Variants in HYDIN observed in about 807,000 individuals in gnomAD.
The protein encoded by HYDIN is axonemal central pair apparatus protein HYDIN.
HYDIN carries 132 observed loss-of-function variants against 403.9 expected under a neutral mutation model. The observed-to-expected ratio is 0.33, with a 90% confidence interval of 0.28 to 0.38. HYDIN has a LOEUF of 0.38. Among genes scored for constraint, HYDIN ranks in the 10% least tolerant of loss-of-function variants. The pLI, the probability that HYDIN is intolerant of heterozygous loss-of-function variation, is 1.00. For synonymous variants in HYDIN, 1,202 were observed against 1,891.7 expected, an observed-to-expected ratio of 0.64 and a Z score of 9.46; for missense variants, 2,827 against 5,009.5, an observed-to-expected ratio of 0.56 and a Z score of 13.15.
At chr16:71,036,998 G>A (rs7195602) in intron 18 of HYDIN, among the ~76,000 whole-genome samples, 55,830 of 134,940 alleles carry the variant, frequency 0.41, 11,489 homozygotes, top group Non-Finnish European at 0.47. Flanking sequence ...ACAATAGGGC[G>A]AAATAGCAGC....
At chr16:71,229,574 G>C (rs141583831) in intron 1 of HYDIN, among the ~76,000 whole-genome samples, 137 of 152,224 alleles carry the variant, frequency 9.0e-4, no homozygotes, top group Admixed American at 1.5e-3. Context: ...GAAAAGAAAT[G>C]AGCTACTGTT....
intron 1 of HYDIN, among the ~76,000 whole-genome samples, chr16:71,201,016 A>C (rs958980309): frequency 6.6e-6 from 1 of 152,164 alleles, no homozygotes; most frequent in East Asian, 1.9e-4. Context: ...TCCCTTGTCC[A>C]TGCTTAGACT....
intron 53 of HYDIN, among the ~76,000 whole-genome samples, chr16:70,899,862 G>T (rs1293277518): frequency 6.6e-6 from 1 of 151,948 alleles, no homozygotes; most frequent in Non-Finnish European, 1.5e-5. Flanking sequence ...GTTGCAACAA[G>T]GTCAGTGGCT....
intron 2 of HYDIN, among the ~76,000 whole-genome samples, chr16:71,186,088 T>C (rs2087133406): frequency 6.6e-6 from 1 of 151,494 alleles, no homozygotes; most frequent in Non-Finnish European, 1.5e-5. Context: ...AGGAGTTTCT[T>C]TAAATATGTA....
chr16:70,890,216 T>C (rs113678110), intron 57 of HYDIN, among the ~76,000 whole-genome samples: 5 of 152,348 alleles, frequency 3.3e-5, no homozygotes, highest in African/African-American at 1.2e-4. Context: ...TAGAGACCAG[T>C]TCACCTAAAA....
chr16:70,995,404 GC>G (rs2079498116), intron 23 of HYDIN, among the ~76,000 whole-genome samples: 1 of 152,146 alleles, frequency 6.6e-6, no homozygotes, highest in Non-Finnish European at 1.5e-5. Flanking sequence ...GTTCCCTGTA[GC>G]TGCCAGAGAA....
At chr16:70,817,288 C>T (rs891311395) in intron 84 of HYDIN, 79 of 151,732 alleles carry the variant, frequency 5.2e-4, no homozygotes, top group African/African-American at 1.8e-3. Context: ...AAAGTGAAAG[C>T]TATGCACACT....
Position 70,826,731 on chromosome 16 carries a change from CT to C in HYDIN, c.14427+529del, listed in dbSNP as rs1275596393. Among the ~76,000 whole-genome samples the C allele has an allele frequency of 8.3e-5, 12 of 144,614 alleles. 2 individuals are homozygous for C. The highest frequency in any genetic ancestry group is 3.5e-4 in the African/African-American group (12 of 34,732). The allele number at this position is 144,614 out of a possible 152,430, so 94.9% of individuals were successfully genotyped here. On this transcript the variant is annotated intron_variant, in intron 83 of 85. Transcript: ENST00000393567. ...TCTCTCTCTCTCTCTCTCTCTCTCTCTCTCTCTCTCTCTCTGTGTGTGTGTT... is the reference window on the plus strand; with the variant it reads ...TCTCTCTCTCTCTCTCTCTCTCTCTCCTCTCTCTCTCTCTGTGTGTGTGTT...
intron 77 of HYDIN, among the ~76,000 whole-genome samples, chr16:70,836,124 G>C (rs1054462166): frequency 2.0e-5 from 3 of 152,156 alleles, no homozygotes; most frequent in African/African-American, 7.2e-5. Context: ...GGGGCTCAGG[G>C]GGCCTTTCCG....
At chr16:71,115,028 G>T (rs561502874) in intron 10 of HYDIN, among the ~76,000 whole-genome samples, 9 of 149,954 alleles carry the variant, frequency 6.0e-5, no homozygotes, top group African/African-American at 2.2e-4. Context: ...GAGATTGTGG[G>T]AATTGGTCAT....
At chr16:71,037,781 C>T (rs1003504156) in intron 18 of HYDIN, among the ~76,000 whole-genome samples, 7 of 152,196 alleles carry the variant, frequency 4.6e-5, no homozygotes, top group Non-Finnish European at 8.8e-5. Flanking sequence ...GTGGATCTTT[C>T]CCTCACCAAG....
At position 70,955,374 on chromosome 16, in the gene HYDIN, C is replaced by T. The variant is rs1383764011; in HGVS notation, c.6316+1G>A. ...AAAAACCCAAGAGAATGGGCTCTTA[C>T]CAGCCTCCTCTCCTTCCTTCACGGA... On this transcript the variant is annotated splice_donor_variant, in intron 40 of 85. Coordinates refer to ENST00000393567, the MANE Select transcript of HYDIN (RefSeq NM_001270974.2). LOFTEE classifies it high-confidence loss of function. 1 of 1,585,968 alleles carries T rather than the reference C, an allele frequency of 6.3e-7. No homozygotes were observed.
intron 23 of HYDIN, among the ~76,000 whole-genome samples, chr16:71,017,748 T>C (rs964958849): frequency 6.6e-6 from 1 of 151,262 alleles, no homozygotes; most frequent in East Asian, 1.9e-4. Context: ...TACTGTATTG[T>C]ACACTTAAAA....
chr16:70,982,508 A>G (rs8063456), intron 28 of HYDIN, among the ~76,000 whole-genome samples: 5,463 of 138,290 alleles, frequency 0.04, 375 homozygotes, highest in African/African-American at 0.16. Flanking sequence ...AAATTTATGA[A>G]CCAACGATCA....
intron 9 of HYDIN, among the ~76,000 whole-genome samples, chr16:71,118,512 A>G (rs1431204621): frequency 6.6e-6 from 1 of 152,076 alleles, no homozygotes; most frequent in East Asian, 1.9e-4. Flanking sequence ...TCAGTAGCAG[A>G]CACCTATTCA....
intron 10 of HYDIN, among the ~76,000 whole-genome samples, chr16:71,106,164 C>T (rs1568161564): frequency 2.2e-5 from 3 of 138,388 alleles, no homozygotes; most frequent in South Asian, 4.4e-4. Flanking sequence ...TCCTTCCCTC[C>T]CTCCCTCTCT....
At chr16:71,094,707 G>A (rs2083223383) in intron 10 of HYDIN, among the ~76,000 whole-genome samples, 1 of 152,408 alleles carries the variant, frequency 6.6e-6, no homozygotes, top group South Asian at 2.1e-4. Flanking sequence ...TAATGCACTT[G>A]CATGGAGTCA....
At chr16:70,884,865 T>C (rs1381171142) in intron 58 of HYDIN, among the ~76,000 whole-genome samples, 1 of 152,276 alleles carries the variant, frequency 6.6e-6, no homozygotes, top group Non-Finnish European at 1.5e-5. Context: ...GCCCAGGCTC[T>C]GTTCTCATCT....
At chr16:70,834,950 GTA>G (rs1555539527) in intron 78 of HYDIN, among the ~76,000 whole-genome samples, 17 of 130,918 alleles carry the variant, frequency 1.3e-4, no homozygotes, top group African/African-American at 3.0e-4. Context: ...ACACATATAT[GTA>G]TATATATACA....
Sources: gnomAD v4.1 joint callset for allele counts (sites outside exome capture counted in the v4.1 genomes callset) on GRCh38, gnomAD v4.1.1 for gene constraint, MANE v1.5 for transcripts, NCBI Gene and HGNC (gene_info 2026-07-23, HGNC 2026-07-21) for gene names.